Variants in STAM observed in about 807,000 individuals in gnomAD.
STAM encodes signal transducing adaptor molecule, also known as signal transducing adapter molecule 1.
In STAM, 16 loss-of-function variants were observed where a neutral mutation model predicts 63.4. The observed-to-expected ratio is 0.25, with a 90% CI of 0.17 to 0.38. STAM has a LOEUF of 0.38. Ranked by LOEUF, STAM falls within the 10% of genes least tolerant of loss-of-function variation. The pLI is 1.00. For missense variants in STAM, 636 were observed against 657.1 expected, an observed-to-expected ratio of 0.97 and a Z score of 0.35; for synonymous variants, 238 against 223.9, an observed-to-expected ratio of 1.06 and a Z score of -0.56.
In STAM at chr10:17,665,786, C is replaced by G. The variant is rs145177978; in HGVS notation, c.125+5238C>G. 2.0e-3 allele frequency among the ~76,000 whole-genome samples: 303 copies of G among 151,588 alleles called. 2 individuals are homozygous for G. Among genetic ancestry groups the G allele is most frequent in the African/African-American group, 7.0e-3 (291 of 41,292 alleles). On this transcript the variant is annotated intron_variant, in intron 2 of 13. Transcript: ENST00000377524. ...TTTAAGTTGTAGTTTCTTTTTAAAT[C>G]TTGAAATACTTGATTATACCAAACC...
At chr10:17,666,548 C>T (rs1176855231) in intron 2 of STAM, among the ~76,000 whole-genome samples, 2 of 152,030 alleles carry the variant, frequency 1.3e-5, no homozygotes, top group African/African-American at 2.4e-5. Context: ...GCACCCGCCA[C>T]CATGCCCAGC....
chr10:17,706,053 G>A lies in STAM; in HGVS notation c.1209+312G>A, dbSNP rs562588288. 2.8e-4 allele frequency among the ~76,000 whole-genome samples: 42 copies of A among 152,076 alleles called. No homozygotes were observed. The South Asian group carries it at 3.7e-3, about 14-fold the overall frequency. Reference sequence around the variant, plus strand: ...ACTGCAGTCTAGCCTGGGCAACAGCGACACCCTGTCTCTAAAATAAATAAA... The same window carrying A: ...ACTGCAGTCTAGCCTGGGCAACAGCAACACCCTGTCTCTAAAATAAATAAA... On this transcript the variant is annotated intron_variant, in intron 12 of 13. Coordinates refer to ENST00000377524, the MANE Select transcript of STAM (RefSeq NM_003473.4).
At chr10:17,668,275 G>A (rs1007264) in intron 2 of STAM, among the ~76,000 whole-genome samples, 19,047 of 152,140 alleles carry the variant, frequency 0.13, 1,346 homozygotes, top group East Asian at 0.26. Context: ...TAGGAAAGAG[G>A]GAGAGTGGTT....
At chr10:17,706,719 TAAG>T (rs1836300486) in intron 12 of STAM, among the ~76,000 whole-genome samples, 1 of 152,154 alleles carries the variant, frequency 6.6e-6, no homozygotes. Context: ...ATTATTTACT[TAAG>T]AACCTTAGTT....
chr10:17,684,087 G>A (rs1446881951), intron 2 of STAM, among the ~76,000 whole-genome samples: 1 of 152,122 alleles, frequency 6.6e-6, no homozygotes, highest in Non-Finnish European at 1.5e-5. Context: ...GTGAGCGTTG[G>A]ATCTCTTTAG....
At chr10:17,661,751 G>A (rs1012063207) in intron 2 of STAM, among the ~76,000 whole-genome samples, 1 of 151,978 alleles carries the variant, frequency 6.6e-6, no homozygotes, top group African/African-American at 2.4e-5. Flanking sequence ...AAATGTTGAC[G>A]TTTTAAAGTC....
chr10:17,696,909 A>G (rs1835783569), intron 8 of STAM, 40 bp downstream of exon 8: 1 of 1,519,628 alleles, frequency 6.6e-7, no homozygotes, highest in Non-Finnish European at 9.1e-7. Context: ...ATGTTTTCTA[A>G]TCCTTTTCTT....
intron 12 of STAM, among the ~76,000 whole-genome samples, chr10:17,706,523 C>T (rs997773787): frequency 2.6e-5 from 4 of 151,812 alleles, no homozygotes; most frequent in African/African-American, 4.8e-5. Context: ...GGACTACAGG[C>T]GCCCGTCACC....
chr10:17,686,664 A>G (rs1451309665), intron 4 of STAM, among the ~76,000 whole-genome samples: 2 of 152,220 alleles, frequency 1.3e-5, no homozygotes, highest in Non-Finnish European at 2.9e-5. Flanking sequence ...GGCATGAGCC[A>G]CCGCGCCCAG....
intron 2 of STAM, among the ~76,000 whole-genome samples, chr10:17,673,619 C>T (rs537718750): frequency 6.6e-6 from 1 of 152,150 alleles, no homozygotes; most frequent in South Asian, 2.1e-4. Context: ...TAACCCTGGG[C>T]CCTGCCTTCA....
intron 1 of STAM, among the ~76,000 whole-genome samples, chr10:17,648,126 G>A (rs1833588612): frequency 6.6e-6 from 1 of 152,140 alleles, no homozygotes; most frequent in Non-Finnish European, 1.5e-5. Context: ...TATTTTGGCT[G>A]TACTTTAAAA....
chr10:17,651,299 G>A (rs1554821524), intron 1 of STAM, among the ~76,000 whole-genome samples: 1 of 152,056 alleles, frequency 6.6e-6, no homozygotes, highest in African/African-American at 2.4e-5. Context: ...TTAATCCTCA[G>A]TAGGTTTGTT....
intron 2 of STAM, among the ~76,000 whole-genome samples, chr10:17,670,158 T>C (rs1834577545): frequency 6.6e-6 from 1 of 152,228 alleles, no homozygotes; most frequent in Non-Finnish European, 1.5e-5. Context: ...GAAGTCAAGT[T>C]GTTGACTAGG....
At chr10:17,666,335 A>C (rs947057773) in intron 2 of STAM, among the ~76,000 whole-genome samples, 2 of 151,954 alleles carry the variant, frequency 1.3e-5, no homozygotes, top group Admixed American at 1.3e-4. Context: ...GAAAAATACA[A>C]ATGTAAGCCT....
intron 2 of STAM, among the ~76,000 whole-genome samples, chr10:17,671,483 G>A (rs963884939): frequency 1.3e-5 from 2 of 152,124 alleles, no homozygotes; most frequent in African/African-American, 4.8e-5. Flanking sequence ...GCTTCAAATC[G>A]TTTTTCTACT....
intron 9 of STAM, among the ~76,000 whole-genome samples, chr10:17,701,348 G>A (rs1237806674): frequency 2.0e-5 from 3 of 152,140 alleles, no homozygotes; most frequent in African/African-American, 7.2e-5. Context: ...ATTAACAACT[G>A]TTGAGTTAAT....
chr10:17,665,420 G>A (rs933295700), intron 2 of STAM, among the ~76,000 whole-genome samples: 6 of 151,926 alleles, frequency 3.9e-5, no homozygotes, highest in African/African-American at 9.7e-5. Flanking sequence ...TACCACTTAC[G>A]TAAATTTTGT....
intron 2 of STAM, among the ~76,000 whole-genome samples, chr10:17,673,849 A>G (rs1834740168): frequency 6.6e-6 from 1 of 152,200 alleles, no homozygotes; most frequent in African/African-American, 2.4e-5. Context: ...TATCTGACAG[A>G]TTTAGTTCAA....
chr10:17,688,948 G>A (rs1347759262), intron 5 of STAM, among the ~76,000 whole-genome samples: 1 of 152,132 alleles, frequency 6.6e-6, no homozygotes, highest in Non-Finnish European at 1.5e-5. Context: ...TATTAACAAT[G>A]AGAGGACTTT....
Sources: gnomAD v4.1 joint callset for allele counts (sites outside exome capture counted in the v4.1 genomes callset) on GRCh38, gnomAD v4.1.1 for gene constraint, MANE v1.5 for transcripts, NCBI Gene and HGNC (gene_info 2026-07-23, HGNC 2026-07-21) for gene names.